LOC128462377: variants seen among roughly 807,000 people sequenced by gnomAD.
the LOC128462377 span, among the ~76,000 whole-genome samples, chr16:89,373,829 T>A: frequency 6.6e-6 from 1 of 152,184 alleles, no homozygotes; most frequent in Non-Finnish European, 1.5e-5. Flanking sequence ...ACAAGATTGG[T>A]AGAACCTTAT....
the LOC128462377 span, among the ~76,000 whole-genome samples, chr16:89,370,511 G>A: frequency 6.6e-6 from 1 of 152,194 alleles, no homozygotes; most frequent in Non-Finnish European, 1.5e-5. Context: ...ACCAAGCAAA[G>A]AGAAGACCAG....
chr16:89,412,860 G>A, the LOC128462377 span, among the ~76,000 whole-genome samples: 13 of 152,240 alleles, frequency 8.5e-5, no homozygotes, highest in South Asian at 2.7e-3. Context: ...CCCCCAGCAG[G>A]ACCTCTCCAT....
chr16:89,409,233 G>A, the LOC128462377 span, among the ~76,000 whole-genome samples: 7 of 152,160 alleles, frequency 4.6e-5, no homozygotes, highest in African/African-American at 9.7e-5. Flanking sequence ...AATTCCACCC[G>A]CCTCCACAGG....
chr16:89,347,365 T>A, the LOC128462377 span, among the ~76,000 whole-genome samples: 1 of 152,160 alleles, frequency 6.6e-6, no homozygotes, highest in South Asian at 2.1e-4. Flanking sequence ...ATCCCAGCAC[T>A]TTGAGAGGCC....
chr16:89,404,187 C>G, the LOC128462377 span, among the ~76,000 whole-genome samples: 1 of 152,198 alleles, frequency 6.6e-6, no homozygotes, highest in African/African-American at 2.4e-5. Context: ...ACCCACCAGC[C>G]TCAGGCAGCA....
the LOC128462377 span, among the ~76,000 whole-genome samples, chr16:89,326,299 G>C: frequency 5.5e-4 from 83 of 152,284 alleles, no homozygotes; most frequent in African/African-American, 1.7e-3. Context: ...GGAAGAGGAA[G>C]GTTAGAAAGG....
At chr16:89,317,761 T>A in the LOC128462377 span, among the ~76,000 whole-genome samples, 1 of 152,210 alleles carries the variant, frequency 6.6e-6, no homozygotes, top group Non-Finnish European at 1.5e-5. Flanking sequence ...GTATATTATT[T>A]TTATTTATTA....
the LOC128462377 span, chr16:89,372,994 AC>A: frequency 6.6e-6 from 1 of 152,238 alleles, no homozygotes. Context: ...CGAGGAAGGC[AC>A]AGCACCCACA....
the LOC128462377 span, among the ~76,000 whole-genome samples, chr16:89,332,445 C>T: frequency 2.0e-5 from 3 of 152,186 alleles, no homozygotes; most frequent in African/African-American, 7.2e-5. Context: ...ACAACGGCAG[C>T]ACCTGTACCC....
chr16:89,359,022 A>G, the LOC128462377 span, among the ~76,000 whole-genome samples: 5 of 152,154 alleles, frequency 3.3e-5, no homozygotes, highest in African/African-American at 1.2e-4. Flanking sequence ...ACAAGGCTAT[A>G]CATTTCTTAT....
At chr16:89,354,727 C>T in the LOC128462377 span, among the ~76,000 whole-genome samples, 17 of 152,188 alleles carry the variant, frequency 1.1e-4, no homozygotes, top group Non-Finnish European at 2.1e-4. Context: ...ACTAAAAATA[C>T]AGAAATTAGC....
chr16:89,375,293 T>C, the LOC128462377 span, among the ~76,000 whole-genome samples: 2 of 152,170 alleles, frequency 1.3e-5, no homozygotes, highest in African/African-American at 2.4e-5. Flanking sequence ...GTAAACAAAT[T>C]ATCTCAAGCC....
At chr16:89,416,500 T>G in the LOC128462377 span, among the ~76,000 whole-genome samples, 15 of 152,190 alleles carry the variant, frequency 9.9e-5, no homozygotes, top group Non-Finnish European at 1.8e-4. Context: ...GGTTTCACCA[T>G]GTTGGCAGGC....
the LOC128462377 span, among the ~76,000 whole-genome samples, chr16:89,345,383 G>C: frequency 4.5e-4 from 69 of 151,970 alleles, no homozygotes; most frequent in Non-Finnish European, 7.6e-4. Context: ...CTCTGCCCTC[G>C]TGGGTGGACG....
At chr16:89,369,642 G>C in the LOC128462377 span, among the ~76,000 whole-genome samples, 1 of 152,186 alleles carries the variant, frequency 6.6e-6, no homozygotes, top group Non-Finnish European at 1.5e-5. Flanking sequence ...AGGACAACCA[G>C]GGGGGTCCTT....
chr16:89,373,011 T>C, the LOC128462377 span: 4 of 152,226 alleles, frequency 2.6e-5, no homozygotes, highest in African/African-American at 9.7e-5. Flanking sequence ...CCACAGTACG[T>C]GCGTTCACTG....
chr16:89,368,380 T>G, the LOC128462377 span, among the ~76,000 whole-genome samples: 32 of 130,730 alleles, frequency 2.4e-4, no homozygotes, highest in Non-Finnish European at 3.1e-4. Flanking sequence ...TGTTTTTTTT[T>G]TTTTTTTTTT....
the LOC128462377 span, chr16:89,324,233 C>A: frequency 8.3e-7 from 1 of 1,202,038 alleles, no homozygotes; most frequent in East Asian, 5.9e-5. Flanking sequence ...CTTTGCCCCT[C>A]AGACACATGC....
chr16:89,345,594 G>C, the LOC128462377 span, among the ~76,000 whole-genome samples: 2 of 152,212 alleles, frequency 1.3e-5, no homozygotes, highest in South Asian at 2.1e-4. Flanking sequence ...CAGGCATTTT[G>C]TTACAGCGGC....
Sources: gnomAD v4.1 joint callset for allele counts (sites outside exome capture counted in the v4.1 genomes callset) on GRCh38, gnomAD v4.1.1 for gene constraint, MANE v1.5 for transcripts.